MALRD1: variants seen among roughly 807,000 people sequenced by gnomAD.
MALRD1 encodes the protein MAM and LDL receptor class A domain containing 1, also known as MAM and LDL-receptor class A domain-containing protein 1.
MALRD1 carries 247 observed loss-of-function variants against 242.1 expected under a neutral mutation model. The observed-to-expected ratio is 1.02, with a 90% CI of 0.92 to 1.13. The LOEUF (loss-of-function observed/expected upper bound fraction) is 1.13. Ranked by LOEUF, MALRD1 falls within the 50% of genes most tolerant of loss-of-function variation. The pLI, the probability that MALRD1 is intolerant of heterozygous loss-of-function variation, is 0.00. For missense variants in MALRD1, 2,989 were observed against 2,533.1 expected, an observed-to-expected ratio of 1.18 and a Z score of -3.86; for synonymous variants, 995 against 866.6, an observed-to-expected ratio of 1.15 and a Z score of -2.60.
chr10:19,250,956 A>G (rs1839269528), intron 18 of MALRD1, among the ~76,000 whole-genome samples: 1 of 151,662 alleles, frequency 6.6e-6, no homozygotes, highest in African/African-American at 2.4e-5. Flanking sequence ...CTCTTTTAAT[A>G]TTATTATTAT....
intron 32 of MALRD1, among the ~76,000 whole-genome samples, chr10:19,532,014 G>C (rs1313926491): frequency 3.3e-5 from 5 of 152,012 alleles, no homozygotes; most frequent in Admixed American, 6.6e-5. Context: ...ATACAATTGG[G>C]ATTTTTGTCT....
chr10:19,278,908 A>G (rs1290457298), intron 19 of MALRD1, among the ~76,000 whole-genome samples: 2 of 152,242 alleles, frequency 1.3e-5, no homozygotes, highest in African/African-American at 4.8e-5. Context: ...GTAAATTGCA[A>G]TGGGAAGGGG....
intron 16 of MALRD1, 39 bp from the exon 17 acceptor site, chr10:19,204,859 T>C: frequency 6.7e-7 from 1 of 1,498,778 alleles, no homozygotes; most frequent in Non-Finnish European, 8.9e-7. Flanking sequence ...TAGTCTATTC[T>C]ATAAATCACT....
At chr10:19,711,734 C>T (rs1834129597) in intron 38 of MALRD1, among the ~76,000 whole-genome samples, 1 of 152,168 alleles carries the variant, frequency 6.6e-6, no homozygotes, top group Non-Finnish European at 1.5e-5. Flanking sequence ...GGGGTTTGGT[C>T]TAGGCCCTGC....
In MALRD1 at chr10:19,726,394, C is replaced by A. The variant is rs551006570; in HGVS notation, c.6315-4312C>A. Among the ~76,000 whole-genome samples the A allele has an allele frequency of 9.2e-5, 14 of 152,064 alleles. No homozygotes were observed. In the East Asian group the frequency reaches 2.5e-3, roughly 27 times the overall value. ...TGAAAATCAGTACCACAATTACATA[C>A]CAATTCACATCCACTGAGATAGCAA... On this transcript the variant is annotated intron_variant, in intron 38 of 39. Coordinates refer to ENST00000454679, the MANE Select transcript of MALRD1 (RefSeq NM_001142308.3).
chr10:19,085,487 T>C (rs756907129), intron 2 of MALRD1, among the ~76,000 whole-genome samples: 23 of 151,898 alleles, frequency 1.5e-4, no homozygotes, highest in Non-Finnish European at 3.1e-4. Context: ...TTTTTCCCCA[T>C]ACAAAGAAAA....
Position 19,310,361 on chromosome 10 carries a change from T to A in MALRD1, c.3420-13588T>A, listed in dbSNP as rs2516324. Among the ~76,000 whole-genome samples the A allele has an allele frequency of 2.4e-3, 366 of 151,300 alleles. 1 individual carries two copies. Among genetic ancestry groups the A allele is most frequent in the African/African-American group, 8.5e-3 (352 of 41,430 alleles). On this transcript the variant is annotated intron_variant, in intron 21 of 39. Coordinates refer to ENST00000454679, the MANE Select transcript of MALRD1 (RefSeq NM_001142308.3). ...GTGTTAGAAAGGACAATTGAAGGGATAACTATATTTAAACGCTGAATTGTG... is the reference window on the plus strand; with the variant it reads ...GTGTTAGAAAGGACAATTGAAGGGAAAACTATATTTAAACGCTGAATTGTG...
At chr10:19,380,757 C>T (rs1233204107) in intron 26 of MALRD1, among the ~76,000 whole-genome samples, 1 of 152,086 alleles carries the variant, frequency 6.6e-6, no homozygotes, top group Non-Finnish European at 1.5e-5. Flanking sequence ...CATTTTGATA[C>T]ATTACATAAA....
chr10:19,287,789 C>A (rs1401677180), intron 21 of MALRD1, among the ~76,000 whole-genome samples: 2 of 152,072 alleles, frequency 1.3e-5, no homozygotes, highest in African/African-American at 2.4e-5. Flanking sequence ...TTTCTCAGAA[C>A]TCATTCCCGT....
chr10:19,083,479 C>T (rs1272658833), intron 2 of MALRD1, among the ~76,000 whole-genome samples: 1 of 151,990 alleles, frequency 6.6e-6, no homozygotes, highest in Non-Finnish European at 1.5e-5. Context: ...CTAACTGTTA[C>T]ACACTGCCTC....
intron 7 of MALRD1, among the ~76,000 whole-genome samples, chr10:19,126,221 G>A (rs1460671462): frequency 6.6e-6 from 1 of 151,992 alleles, no homozygotes; most frequent in African/African-American, 2.4e-5. Flanking sequence ...ATGAGTGCAG[G>A]AATGAGTATA....
chr10:19,358,668 A>T (rs1454694290), intron 26 of MALRD1, among the ~76,000 whole-genome samples: 1 of 152,142 alleles, frequency 6.6e-6, no homozygotes, highest in Non-Finnish European at 1.5e-5. Flanking sequence ...TCTACTTCTG[A>T]GCGATTTGAA....
At chr10:19,427,160 A>AT (rs1337800105) in intron 28 of MALRD1, among the ~76,000 whole-genome samples, 1 of 152,140 alleles carries the variant, frequency 6.6e-6, no homozygotes, top group African/African-American at 2.4e-5. Flanking sequence ...TAAAAGCAAT[A>AT]TTTTTTCTTT....
intron 22 of MALRD1, 125 bp from the exon 23 acceptor site, chr10:19,327,438 C>A: frequency 1.6e-6 from 1 of 636,402 alleles, no homozygotes; most frequent in Admixed American, 2.9e-5. Flanking sequence ...TATCTTAGCT[C>A]TTCTCTCCAG....
At chr10:19,510,132 C>T (rs1012078385) in intron 31 of MALRD1, among the ~76,000 whole-genome samples, 6 of 152,134 alleles carry the variant, frequency 3.9e-5, no homozygotes, top group East Asian at 3.9e-4. Flanking sequence ...TTGATGTGCA[C>T]GTACGTAAAC....
chr10:19,157,252 A>G (rs984684459), intron 12 of MALRD1, among the ~76,000 whole-genome samples: 1 of 144,432 alleles, frequency 6.9e-6, no homozygotes, highest in Non-Finnish European at 1.5e-5. Context: ...AATATGTGAT[A>G]TTTTCTTTTT....
intron 28 of MALRD1, among the ~76,000 whole-genome samples, chr10:19,397,887 T>C (rs979652438): frequency 1.2e-4 from 18 of 152,000 alleles, no homozygotes; most frequent in African/African-American, 4.4e-4. Flanking sequence ...TTTTGATTTG[T>C]ATTTCCCTGA....
intron 28 of MALRD1, among the ~76,000 whole-genome samples, chr10:19,419,759 A>G (rs1442136793): frequency 6.6e-6 from 1 of 152,154 alleles, no homozygotes; most frequent in Non-Finnish European, 1.5e-5. Flanking sequence ...GTAGTATTGT[A>G]TTTTACAGCT....
intron 38 of MALRD1, among the ~76,000 whole-genome samples, chr10:19,696,923 A>T (rs1055895730): frequency 9.8e-5 from 15 of 152,286 alleles, no homozygotes; most frequent in Non-Finnish European, 1.3e-4. Flanking sequence ...AAAACAAAAA[A>T]AGACTATCTT....
Sources: gnomAD v4.1 joint callset for allele counts (sites outside exome capture counted in the v4.1 genomes callset) on GRCh38, gnomAD v4.1.1 for gene constraint, MANE v1.5 for transcripts, NCBI Gene and HGNC (gene_info 2026-07-23, HGNC 2026-07-21) for gene names.